The following MACROD2 variants were observed in gnomAD, a reference collection of about 807,000 sequenced individuals.
MACROD2 encodes the protein ADP-ribose glycohydrolase MACROD2.
Under a neutral mutation model 70.4 loss-of-function variants are expected in MACROD2, and 36 were observed. The observed-to-expected ratio is 0.51, with a 90% CI of 0.39 to 0.68. The LOEUF (loss-of-function observed/expected upper bound fraction) is 0.68, where lower values mean the gene tolerates loss of function less well. Among genes scored for constraint, MACROD2 ranks in the 30% least tolerant of loss-of-function variants. The probability of loss-of-function intolerance (pLI) is 0.00; values close to 1 mark genes in which losing one functional copy is unlikely to be tolerated. For synonymous variants in MACROD2, 172 were observed against 178.8 expected (o/e 0.96, Z 0.30); for missense variants, 496 against 538.4 (o/e 0.92, Z 0.78).
intron 8 of MACROD2, among the ~76,000 whole-genome samples, chr20:15,841,542 T>G (rs2064170534): frequency 6.6e-6 from 1 of 152,014 alleles, no homozygotes; most frequent in East Asian, 1.9e-4. Context: ...GAGGGGGAGT[T>G]GCTGCACACT....
chr20:14,900,897 G>A (rs1350547867), intron 5 of MACROD2, among the ~76,000 whole-genome samples: 1 of 151,788 alleles, frequency 6.6e-6, no homozygotes, highest in African/African-American at 2.4e-5. Context: ...CTTTGTGGAT[G>A]TGCTCTGAAA....
chr20:15,456,559 TC>T (rs869184677), intron 7 of MACROD2, among the ~76,000 whole-genome samples: 1 of 126,966 alleles, frequency 7.9e-6, no homozygotes, highest in African/African-American at 2.8e-5. Context: ...ATTAAGTGCT[TC>T]TGGTGTGAAC....
rs175779 is a variant in MACROD2 at position 15,936,425 on chromosome 20, T to C, written c.839-1051T>C. Among the ~76,000 whole-genome samples the C allele has an allele frequency of 5.0e-3, 747 of 148,240 alleles. 8 individuals are homozygous for C. The highest frequency in any genetic ancestry group is 0.017 in the African/African-American group (713 of 40,874). ...TTCTGCTACTATATGAAAAACTATA[T>C]ATATACTATATATGTATATGTATAC... On this transcript the variant is annotated intron_variant, in intron 11 of 17. Transcript: ENST00000684519.
At chr20:15,262,954 G>A (rs2077261982) in intron 6 of MACROD2, among the ~76,000 whole-genome samples, 1 of 152,040 alleles carries the variant, frequency 6.6e-6, no homozygotes, top group Admixed American at 6.6e-5. Context: ...TTTGTCAGAT[G>A]GATAGCTTGC....
At chr20:15,737,360 T>G (rs2051037976) in intron 8 of MACROD2, among the ~76,000 whole-genome samples, 1 of 151,774 alleles carries the variant, frequency 6.6e-6, no homozygotes, top group African/African-American at 2.4e-5. Context: ...AGAAGATGAG[T>G]TTTCTAAGGC....
intron 11 of MACROD2, among the ~76,000 whole-genome samples, chr20:15,937,210 G>A (rs2065677983): frequency 6.6e-6 from 1 of 152,164 alleles, no homozygotes; most frequent in African/African-American, 2.4e-5. Context: ...AAATGCCAAA[G>A]GATACTACTA....
chr20:15,800,306 AT>A (rs137872350), intron 8 of MACROD2, among the ~76,000 whole-genome samples: 11,305 of 151,826 alleles, frequency 0.074, 975 homozygotes, highest in East Asian at 0.3. Flanking sequence ...CCATTTGCCT[AT>A]TTTTTTGTTT....
chr20:14,251,793 C>T (rs2082014925), intron 3 of MACROD2, among the ~76,000 whole-genome samples: 1 of 151,940 alleles, frequency 6.6e-6, no homozygotes, highest in South Asian at 2.1e-4. Context: ...TAAAGTGTAC[C>T]AAACTTAGAC....
chr20:14,032,782 A>G (rs190912516), intron 2 of MACROD2, among the ~76,000 whole-genome samples: 2 of 152,294 alleles, frequency 1.3e-5, no homozygotes, highest in South Asian at 4.1e-4. Flanking sequence ...GAATATGCCT[A>G]ATCTTTGTAC....
intron 8 of MACROD2, among the ~76,000 whole-genome samples, chr20:15,797,887 A>G (rs1466867060): frequency 1.3e-5 from 2 of 152,226 alleles, no homozygotes; most frequent in African/African-American, 4.8e-5. Flanking sequence ...CCCAAGTGAT[A>G]GTGATGCTGT....
chr20:14,201,567 C>T (rs1054681442), intron 3 of MACROD2, among the ~76,000 whole-genome samples: 1 of 152,036 alleles, frequency 6.6e-6, no homozygotes, highest in East Asian at 1.9e-4. Flanking sequence ...ACAAGACAGG[C>T]GTGGTGGCTC....
intron 5 of MACROD2, among the ~76,000 whole-genome samples, chr20:15,189,498 T>G (rs2076556144): frequency 6.6e-6 from 1 of 152,188 alleles, no homozygotes; most frequent in Non-Finnish European, 1.5e-5. Flanking sequence ...TTCACTTGGT[T>G]AACTCAGCAT....
intron 5 of MACROD2, among the ~76,000 whole-genome samples, chr20:15,225,148 A>G (rs2145972900): frequency 6.6e-6 from 1 of 152,172 alleles, no homozygotes; most frequent in South Asian, 2.1e-4. Context: ...ATTTTTTAAT[A>G]TAAAGAAATT....
At chr20:15,102,769 A>C (rs1601078370) in intron 5 of MACROD2, among the ~76,000 whole-genome samples, 1 of 152,190 alleles carries the variant, frequency 6.6e-6, no homozygotes, top group South Asian at 2.1e-4. Flanking sequence ...TTATAATAGC[A>C]AAAAATTAGA....
chr20:15,123,491 T>C (rs2076044961), intron 5 of MACROD2, among the ~76,000 whole-genome samples: 2 of 152,214 alleles, frequency 1.3e-5, no homozygotes, highest in African/African-American at 4.8e-5. Flanking sequence ...TTTTGAAGAC[T>C]TAGTATATAA....
At chr20:14,389,031 C>G (rs1242126805) in intron 3 of MACROD2, among the ~76,000 whole-genome samples, 2 of 151,930 alleles carry the variant, frequency 1.3e-5, no homozygotes, top group African/African-American at 2.4e-5. Context: ...GCACCCTCCA[C>G]CATACCCAGC....
intron 4 of MACROD2, among the ~76,000 whole-genome samples, chr20:14,653,782 T>C (rs1202058218): frequency 6.6e-6 from 1 of 152,154 alleles, no homozygotes; most frequent in East Asian, 1.9e-4. Flanking sequence ...TGCAGGAGCA[T>C]GGTTGGCTCA....
At chr20:15,674,542 C>T (rs532251030) in intron 8 of MACROD2, among the ~76,000 whole-genome samples, 2 of 152,162 alleles carry the variant, frequency 1.3e-5, no homozygotes, top group East Asian at 3.9e-4. Flanking sequence ...GGTAGGTGCC[C>T]TTCTCAGTCC....
intron 3 of MACROD2, among the ~76,000 whole-genome samples, chr20:14,172,377 T>C (rs910252103): frequency 1.4e-5 from 2 of 144,726 alleles, no homozygotes; most frequent in East Asian, 4.3e-4. Flanking sequence ...TGATCTCGGC[T>C]CACTGCAACT....
Sources: allele counts gnomAD v4.1 joint callset (sites outside exome capture counted in the v4.1 genomes callset), GRCh38; gene constraint gnomAD v4.1.1; transcripts MANE v1.5; gene names NCBI Gene and HGNC (gene_info 2026-07-23, HGNC 2026-07-21).